The following PAPPA variants were observed in gnomAD, a reference collection of about 807,000 sequenced individuals.
PAPPA encodes the protein pappalysin 1, also known as pappalysin-1.
Under a neutral mutation model 164.0 loss-of-function variants are expected in PAPPA, and 60 were observed. The observed-to-expected ratio is 0.37, with a 90% CI of 0.30 to 0.45. PAPPA has a LOEUF of 0.45. PAPPA is among the 20% of genes least tolerant of loss of function. PAPPA has a pLI of 1.00. For missense variants in PAPPA, 1,782 were observed against 2,087.3 expected (o/e 0.85, Z 2.85); for synonymous variants, 875 against 814.1 (o/e 1.07, Z -1.27).
chr9:116,350,383 C>A (rs2118987772), intron 15 of PAPPA, among the ~76,000 whole-genome samples: 1 of 152,222 alleles, frequency 6.6e-6, no homozygotes, highest in Admixed American at 6.5e-5. Context: ...TGAAAACTCT[C>A]TTGGAGTTTG....
intron 9 of PAPPA, among the ~76,000 whole-genome samples, chr9:116,276,752 A>T (rs527936511): frequency 8.9e-4 from 136 of 151,992 alleles, no homozygotes; most frequent in African/African-American, 3.2e-3. Flanking sequence ...TGCCATTAGC[A>T]TCACTCTGTG....
rs1311252338 is a variant in PAPPA, at chr9:116,265,910, C to A, written c.2786C>A (p.Thr929Asn). Residue 929 changes from threonine (T) to asparagine (N), a missense_variant, in exon 8 of 22, where the codon ACT becomes AAT. Coordinates refer to ENST00000328252, the MANE Select transcript of PAPPA (RefSeq NM_002581.5). ...YQYWVITISG[T>N]EESEPSPAVT... ...TATTGGGTCATAACTATTTCAGGAA[C>A]TGAAGAGAGTGAGCCATCACCTGCT... is the stretch of plus-strand genomic sequence containing the variant. The A allele has an allele frequency of 6.2e-7, 1 of 1,611,372 alleles. No individual in the cohort carries two copies. Among genetic ancestry groups the A allele is most frequent in the African/African-American group, 1.3e-5 (1 of 74,870 alleles).
chr9:116,364,643 G>A (rs1240064457), intron 18 of PAPPA, among the ~76,000 whole-genome samples: 5 of 151,972 alleles, frequency 3.3e-5, no homozygotes, highest in Admixed American at 2.0e-4. Context: ...ACAGAAAGAC[G>A]CACAAAAGGC....
intron 2 of PAPPA, among the ~76,000 whole-genome samples, chr9:116,206,604 G>A (rs1198286167): frequency 5.3e-5 from 8 of 152,178 alleles, no homozygotes; most frequent in Admixed American, 1.3e-4. Flanking sequence ...TGGGTAAACA[G>A]AGATTAATAA....
Position 116,396,812 on chromosome 9 carries a change from G to A in PAPPA, c.*196G>A. The A allele has an allele frequency of 1.7e-6, 1 of 584,530 alleles. No individual in the cohort carries two copies. The highest frequency in any genetic ancestry group is 2.1e-5 in the South Asian group (1 of 46,900). 36.2% of individuals were successfully genotyped at this position (584,530 alleles called of 1,614,324 possible). ...ACCAAGTTTCGCCATGCTGGATGAT[G>A]AAATGGATTCCCATCCCAAAGTCTG... On this transcript the variant is annotated 3_prime_UTR_variant, in exon 22 of 22. Coordinates refer to ENST00000328252, the MANE Select transcript of PAPPA (RefSeq NM_002581.5).
At chr9:116,272,772 A>G (rs1845152774) in intron 9 of PAPPA, among the ~76,000 whole-genome samples, 1 of 152,178 alleles carries the variant, frequency 6.6e-6, no homozygotes, top group Non-Finnish European at 1.5e-5. Flanking sequence ...ATATTAGCCT[A>G]GTGATGTGGT....
chr9:116,322,066 C>A (rs1290317979), intron 10 of PAPPA, among the ~76,000 whole-genome samples: 1 of 152,132 alleles, frequency 6.6e-6, no homozygotes, highest in South Asian at 2.1e-4. Flanking sequence ...GCTTATTTCA[C>A]AAGATTATTA....
chr9:116,293,100 T>C (rs1477295111), intron 9 of PAPPA, among the ~76,000 whole-genome samples: 1 of 152,136 alleles, frequency 6.6e-6, no homozygotes, highest in Non-Finnish European at 1.5e-5. Context: ...GTGGTGAGTA[T>C]AGAAGCTAGA....
intron 1 of PAPPA, among the ~76,000 whole-genome samples, chr9:116,166,245 AT>A (rs1843718296): frequency 6.6e-6 from 1 of 152,218 alleles, no homozygotes; most frequent in South Asian, 2.1e-4. Context: ...GGAATAGTAT[AT>A]TTAAGGGCCT....
Position 116,221,723 on chromosome 9 carries a change from C to CA in PAPPA, c.2111+1603dup, listed in dbSNP as rs57846575. 1.3e-4 allele frequency among the ~76,000 whole-genome samples: 19 copies of CA among 150,752 alleles called. No homozygotes were observed. In the South Asian group the frequency reaches 2.1e-3, roughly 17 times the overall value. ...AGGCATTACACTGCCCCCCGCAAGG[C>CA]AAAAAAAAAGCCACAAAAAGAAGCA... On this transcript the variant is annotated intron_variant, in intron 5 of 21. Coordinates refer to ENST00000328252, the MANE Select transcript of PAPPA (RefSeq NM_002581.5).
intron 1 of PAPPA, among the ~76,000 whole-genome samples, chr9:116,156,586 TAAAA>T (rs1843608149): frequency 6.6e-6 from 1 of 151,656 alleles, no homozygotes. Context: ...ACGAAAAAAA[TAAAA>T]TAAATAAATA....
Position 116,259,896 on chromosome 9 carries a change from C to G in PAPPA, c.2733-5961C>G, listed in dbSNP as rs10983091. On this transcript the variant is annotated intron_variant, in intron 7 of 21. Coordinates refer to ENST00000328252, the MANE Select transcript of PAPPA (RefSeq NM_002581.5). ...CACAGTGATTAAATAACAATAATAG[C>G]AATAATAAAAGAACCAACCTAGGTA... 1.4e-4 allele frequency among the ~76,000 whole-genome samples: 21 copies of G among 151,902 alleles called. 1 individual carries two copies. The East Asian group carries it at 4.1e-3, about 29-fold the overall frequency.
At chr9:116,378,163 T>G (rs1448918557) in intron 20 of PAPPA, among the ~76,000 whole-genome samples, 1 of 152,224 alleles carries the variant, frequency 6.6e-6, no homozygotes, top group Admixed American at 6.5e-5. Flanking sequence ...GCCTTAGACC[T>G]AACCATTGAG....
rs1285737224 is a variant in PAPPA at position 116,332,564 on chromosome 9, CT to C, written c.3397+98del. On this transcript the variant is annotated intron_variant, in intron 12 of 21. Transcript: ENST00000328252. ...AGGATCAGCTTAGAATGAGCTCTTC[CT>C]TCCTTTTTCCCCTTTCTTGCTTCTT... 8.1e-5 allele frequency: 89 copies of C among 1,101,470 alleles called. No homozygotes were observed. The Middle Eastern group carries it at 7.4e-3, about 92-fold the overall frequency. 68.2% of individuals were successfully genotyped at this position (1,101,470 alleles called of 1,614,324 possible).
chr9:116,235,031 C>A, intron 6 of PAPPA, 108 bp from the exon 7 acceptor site: 1 of 1,241,826 alleles, frequency 8.1e-7, no homozygotes, highest in Non-Finnish European at 1.1e-6. Flanking sequence ...CTTTTCCCCT[C>A]TGTCTAAGTT....
chr9:116,229,785 A>C (rs1042235656), intron 6 of PAPPA, among the ~76,000 whole-genome samples: 5 of 152,242 alleles, frequency 3.3e-5, no homozygotes, highest in Admixed American at 6.5e-5. Flanking sequence ...GACTGTTGCC[A>C]AAATCCAGCT....
intron 9 of PAPPA, among the ~76,000 whole-genome samples, chr9:116,301,182 T>C (rs1314451398): frequency 1.3e-5 from 2 of 152,110 alleles, no homozygotes; most frequent in East Asian, 3.9e-4. Context: ...GCCTGAGAAA[T>C]TCAGATTTTC....
intron 19 of PAPPA, among the ~76,000 whole-genome samples, chr9:116,373,036 C>A (rs1010501474): frequency 6.6e-6 from 1 of 152,110 alleles, no homozygotes; most frequent in South Asian, 2.1e-4. Flanking sequence ...ACAGAGAATG[C>A]AAAATTCAGT....
intron 10 of PAPPA, among the ~76,000 whole-genome samples, chr9:116,305,134 G>GACACACAGACAC (rs1845628744): frequency 7.7e-6 from 1 of 129,864 alleles, no homozygotes; most frequent in African/African-American, 3.1e-5. Context: ...TGGGCACACA[G>GACACACAGACAC]ACACACACAC....
Sources: allele counts gnomAD v4.1 joint callset (sites outside exome capture counted in the v4.1 genomes callset), GRCh38; gene constraint gnomAD v4.1.1; transcripts MANE v1.5; gene names NCBI Gene and HGNC (gene_info 2026-07-23, HGNC 2026-07-21).